Variants in PSMB5 observed in about 807,000 individuals in gnomAD.
PSMB5 encodes proteasome 20S subunit beta 5, also known as proteasome subunit beta type-5.
In PSMB5, 2 loss-of-function variants were observed where a neutral mutation model predicts 22.8. The ratio of observed to expected loss-of-function variants is 0.09; its 90% confidence interval spans 0.04 to 0.28. The LOEUF (loss-of-function observed/expected upper bound fraction) is 0.28. Among genes scored for constraint, PSMB5 ranks in the 10% least tolerant of loss-of-function variants. The probability of loss-of-function intolerance (pLI) is 1.00; values close to 1 mark genes in which losing one functional copy is unlikely to be tolerated. For synonymous variants in PSMB5, 133 were observed against 135.3 expected (o/e 0.98, Z 0.12); for missense variants, 269 against 343.8 (o/e 0.78, Z 1.72).
intron 2 of PSMB5, among the ~76,000 whole-genome samples, chr14:23,028,560 T>A (rs755000618): frequency 6.6e-6 from 1 of 152,272 alleles, no homozygotes; most frequent in Non-Finnish European, 1.5e-5. Flanking sequence ...AAATTACATA[T>A]ATGGCTCACA....
chr14:23,025,865 G>C lies in PSMB5; in HGVS notation c.*224C>G. 1.4e-5 allele frequency: 19 copies of C among 1,398,190 alleles called. No homozygotes were observed. Among genetic ancestry groups the C allele is most frequent in the Non-Finnish European group, 1.7e-5 (18 of 1,076,926 alleles). 86.6% of individuals were successfully genotyped at this position (1,398,190 alleles called of 1,614,324 possible). A position where few individuals can be genotyped will look rare whatever the true frequency, so the allele number is the denominator to read the frequency against. ...GCAACACAGGCTGAGATTGAGTAGTGAGTAGTGTAATGTTAACATCCAAGA... is the reference window on the plus strand; with the variant it reads ...GCAACACAGGCTGAGATTGAGTAGTCAGTAGTGTAATGTTAACATCCAAGA... On this transcript the variant is annotated 3_prime_UTR_variant, in exon 3 of 3. Coordinates refer to ENST00000361611, the MANE Select transcript of PSMB5 (RefSeq NM_002797.5).
intron 2 of PSMB5, among the ~76,000 whole-genome samples, chr14:23,032,734 G>T (rs1335376209): frequency 8.3e-5 from 12 of 144,834 alleles, no homozygotes; most frequent in South Asian, 2.2e-4. Flanking sequence ...GAGTAGCTGG[G>T]ACTACAGGCG....
At chr14:23,030,622 C>T (rs1315222306) in intron 2 of PSMB5, among the ~76,000 whole-genome samples, 1 of 152,178 alleles carries the variant, frequency 6.6e-6, no homozygotes, top group African/African-American at 2.4e-5. Context: ...CAAAGTTGGC[C>T]CTGCAGAACC....
At chr14:23,028,719 A>C (rs1056097138) in intron 2 of PSMB5, among the ~76,000 whole-genome samples, 1 of 152,242 alleles carries the variant, frequency 6.6e-6, no homozygotes, top group Non-Finnish European at 1.5e-5. Context: ...ATTTGAGACA[A>C]AGATTTAGGC....
In PSMB5 at chr14:23,034,769, C is replaced by T. The variant is rs756177083; in HGVS notation, c.113G>A (p.Gly38Asp). Reference sequence around the variant, plus strand: ...CCAGCCTGGCGCGGCCAGGCTCAGACCATCACTGAGACTCCCTGGACCTAG... The same window carrying T: ...CCAGCCTGGCGCGGCCAGGCTCAGATCATCACTGAGACTCCCTGGACCTAG... ...LDLGPGSLSDGLSLAAPGWGV... is the reference protein window; with the variant it reads ...LDLGPGSLSDDLSLAAPGWGV... The change falls in exon 1 of 3, where the codon GGT becomes GAT. Residue 38 changes from glycine to aspartate, a missense_variant. Transcript: ENST00000361611. 1.2e-6 allele frequency: 2 copies of T among 1,614,214 alleles called. No individual in the cohort carries two copies. Among genetic ancestry groups the T allele is most frequent in the Non-Finnish European group, 1.7e-6 (2 of 1,180,040 alleles).
Position 23,034,671 on chromosome 14 carries a change from G to T in PSMB5, c.198+13C>A. On this transcript the variant is annotated intron_variant, in intron 1 of 2. Coordinates refer to ENST00000361611, the MANE Select transcript of PSMB5 (RefSeq NM_002797.5). ...GTTCAGTACTCAGCCTGGCAAGGGG[G>T]CTGGCTCCACACCTTGAAGGCCAGG... is the stretch of plus-strand genomic sequence containing the variant. The T allele has an allele frequency of 6.2e-7, 1 of 1,613,480 alleles. No individual in the cohort carries two copies.
At position 23,030,260 on chromosome 14, in the gene PSMB5, C is replaced by A. The variant is rs547677719; in HGVS notation, c.505+3108G>T. Among the ~76,000 whole-genome samples the A allele has an allele frequency of 5.3e-5, 8 of 151,288 alleles. No individual in the cohort carries two copies. In the South Asian group the frequency reaches 8.4e-4, roughly 16 times the overall value. The stretch of plus-strand genomic sequence containing the variant: ...ATCCCAGCACTTTGGGAGGCCGAGG[C>A]GGGTGGATCATGAGGTCAGGAGATT... On this transcript the variant is annotated intron_variant, in intron 2 of 2. Coordinates refer to ENST00000361611, the MANE Select transcript of PSMB5 (RefSeq NM_002797.5).
intron 2 of PSMB5, among the ~76,000 whole-genome samples, chr14:23,030,252 G>T (rs1281501010): frequency 6.6e-6 from 1 of 151,430 alleles, no homozygotes. Flanking sequence ...CACTTTGGGA[G>T]GCCGAGGCGG....
At chr14:23,034,563 G>A (rs2046977686) in intron 1 of PSMB5, 121 bp downstream of exon 1, 16 of 1,171,892 alleles carry the variant, frequency 1.4e-5, no homozygotes, top group Non-Finnish European at 1.9e-5. Context: ...CGGTCCGAAC[G>A]AGAGGACCCA....
chr14:23,026,033 C>A lies in PSMB5; in HGVS notation c.*56G>T. The A allele has an allele frequency of 6.3e-7, 1 of 1,591,882 alleles. No individual in the cohort carries two copies. Among genetic ancestry groups the A allele is most frequent in the Non-Finnish European group, 8.6e-7 (1 of 1,167,104 alleles). On this transcript the variant is annotated 3_prime_UTR_variant, in exon 3 of 3. Coordinates refer to ENST00000361611, the MANE Select transcript of PSMB5 (RefSeq NM_002797.5). ...TAGGATGGAGGATGGGTCACTGTGTCCGTATTACCAATGACAGTCACCCCA... is the reference window on the plus strand; with the variant it reads ...TAGGATGGAGGATGGGTCACTGTGTACGTATTACCAATGACAGTCACCCCA...
chr14:23,031,374 A>T (rs1475217451), intron 2 of PSMB5, among the ~76,000 whole-genome samples: 7 of 152,228 alleles, frequency 4.6e-5, no homozygotes, highest in Non-Finnish European at 1.0e-4. Flanking sequence ...CCTCTCTCAC[A>T]TCCGGTTTTT....
intron 2 of PSMB5, 82 bp from the exon 3 acceptor site, chr14:23,026,457 CT>C (rs929613167): frequency 1.5e-4 from 219 of 1,500,386 alleles, no homozygotes; most frequent in Admixed American, 2.4e-4. Flanking sequence ...GGCAGTAGTT[CT>C]TTTTTTTTGA....
intron 1 of PSMB5, among the ~76,000 whole-genome samples, chr14:23,034,033 T>G (rs1325709701): frequency 1.3e-5 from 2 of 150,002 alleles, no homozygotes; most frequent in Non-Finnish European, 3.0e-5. Context: ...TAGCCTGTCG[T>G]GGTGGTGTGT....
At chr14:23,027,167 G>A (rs1424315343) in intron 2 of PSMB5, among the ~76,000 whole-genome samples, 4 of 151,694 alleles carry the variant, frequency 2.6e-5, no homozygotes, top group Non-Finnish European at 4.4e-5. Context: ...TGGATCACGA[G>A]GTCAGGAGAT....
rs924506734 is a variant in PSMB5, at chr14:23,033,670, C to T, written c.203G>A (p.Arg68His). ...GTCAGCTGCAACTATGACTCCATGG[C>T]GGAACTGTTAAGATCAGAGGAAAAC... is the stretch of plus-strand genomic sequence containing the variant. Reference protein sequence around the residue: ...HGTTTLAFKFRHGVIVAADSR... With the variant: ...HGTTTLAFKFHHGVIVAADSR... The change falls in exon 2 of 3, where the codon CGC (arginine) becomes CAC (histidine). Residue 68 changes from arginine to histidine, a missense_variant. By Grantham distance (29) the Arg-to-His change is conservative (BLOSUM62 0). Transcript: ENST00000361611. 2 of 1,605,406 alleles carry T rather than the reference C, an allele frequency of 1.2e-6. No homozygotes were observed. Among genetic ancestry groups the T allele is most frequent in the East Asian group, 2.2e-5 (1 of 44,608 alleles).
Position 23,025,878 on chromosome 14 carries a change from T to G in PSMB5, c.*211A>C. ...AGATTGAGTAGTGAGTAGTGTAATG[T>G]TAACATCCAAGAAAGTAAAACAAAT... On this transcript the variant is annotated 3_prime_UTR_variant, in exon 3 of 3. Transcript: ENST00000361611. 1.4e-6 allele frequency: 2 copies of G among 1,414,302 alleles called. No homozygotes were observed. The highest frequency in any genetic ancestry group is 1.8e-6 in the Non-Finnish European group (2 of 1,087,182). The allele number at this position is 1,414,302 out of a possible 1,614,324, so 87.6% of individuals were successfully genotyped here.
At chr14:23,035,039 G>GA (rs2046982061), upstream of PSMB5, 1 of 1,388,344 alleles carries the variant, frequency 7.2e-7, no homozygotes, top group Admixed American at 2.9e-5. Flanking sequence ...AGCCAGATGC[G>GA]AAAGACCATT....
At chr14:23,033,260 A>T in intron 2 of PSMB5, 108 bp downstream of exon 2, 1 of 1,174,574 alleles carries the variant, frequency 8.5e-7, no homozygotes, top group Non-Finnish European at 1.2e-6. Flanking sequence ...CTAAGGACCT[A>T]ATTACACTTC....
In PSMB5 at chr14:23,033,479, G is replaced by A. The variant is rs774182780; in HGVS notation, c.394C>T (p.Arg132Cys). Reference protein sequence around the residue: ...CRIYELRNKERISVAAASKLL... With the variant: ...CRIYELRNKECISVAAASKLL... ...TTGGAGGCAGCTGCTACAGAGATGC[G>A]TTCCTTATTTCGAAGCTCATAGATT... The change falls in exon 2 of 3, where the codon CGC (arginine) becomes TGC (cysteine). Residue 132 changes from arginine (R) to cysteine (C), a missense_variant. Arg to Cys is a radical substitution (Grantham distance 180, BLOSUM62 -3). Coordinates refer to ENST00000361611, the MANE Select transcript of PSMB5 (RefSeq NM_002797.5). 75 of 1,613,970 alleles carry A rather than the reference G, an allele frequency of 4.6e-5. No homozygotes were observed. Among genetic ancestry groups the A allele is most frequent in the Non-Finnish European group, 5.7e-5 (67 of 1,180,046 alleles).
Sources: allele counts gnomAD v4.1 joint callset (sites outside exome capture counted in the v4.1 genomes callset), GRCh38; gene constraint gnomAD v4.1.1; transcripts MANE v1.5; gene names NCBI Gene and HGNC (gene_info 2026-07-23, HGNC 2026-07-21).